SERAC1: variants seen among roughly 807,000 people sequenced by gnomAD.
SERAC1 encodes the protein serine active site containing 1.
SERAC1 carries 36 observed loss-of-function variants against 85.7 expected under a neutral mutation model. The ratio of observed to expected loss-of-function variants is 0.42; its 90% CI spans 0.32 to 0.55. The LOEUF (loss-of-function observed/expected upper bound fraction) is 0.55, where lower values mean the gene tolerates loss of function less well. Ranked by LOEUF, SERAC1 falls within the 20% of genes least tolerant of loss-of-function variation. The pLI is 0.11. For synonymous variants in SERAC1, 242 were observed against 265.3 expected (o/e 0.91, Z 0.85); for missense variants, 629 against 796.2 (o/e 0.79, Z 2.53).
intron 10 of SERAC1, among the ~76,000 whole-genome samples, chr6:158,125,709 A>G (rs1784523660): frequency 1.3e-5 from 2 of 152,186 alleles, no homozygotes; most frequent in Admixed American, 6.5e-5. Context: ...AAAAATAATA[A>G]TAACAATGAT....
chr6:158,167,049 G>GA (rs143013988), intron 1 of SERAC1, among the ~76,000 whole-genome samples: 5,333 of 151,740 alleles, frequency 0.035, 303 homozygotes, highest in African/African-American at 0.12. Flanking sequence ...TATGCAAGAT[G>GA]AAAAAAAGCA....
chr6:158,143,143 G>A lies in SERAC1; in HGVS notation c.651C>T (p.Ser217=). ...TEEELRQLLA[S]LPQTELDECI... ...ACTCATCTAGCTCTGTTTGAGGTAA[G>A]GAAGCCAGCAACTGTCTGAGCTCTT... The change falls in exon 8 of 17, where the codon TCC becomes TCT. Residue 217 remains serine, a synonymous_variant. Coordinates refer to ENST00000647468, the MANE Select transcript of SERAC1 (RefSeq NM_032861.4). The A allele has an allele frequency of 1.2e-6, 2 of 1,613,662 alleles. No individual in the cohort carries two copies. The highest frequency in any genetic ancestry group is 1.7e-6 in the Non-Finnish European group (2 of 1,179,744).
intron 8 of SERAC1, among the ~76,000 whole-genome samples, chr6:158,139,520 G>A (rs955046840): frequency 1.3e-5 from 2 of 152,110 alleles, no homozygotes; most frequent in African/African-American, 4.8e-5. Context: ...TAAATTGGGT[G>A]CTGCAACATG....
At position 158,114,950 on chromosome 6, in the gene SERAC1, A is replaced by G; in HGVS notation, c.1523T>C (p.Leu508Pro). ...TTCTGGCTTCGTAGAGGCTTCCAAC[A>G]GCATCTTTTTGACAAGAAGACCTAG... ...SMGGLLVKKM[L>P]LEASTKPEMS... Residue 508 changes from leucine (L) to proline (P), a missense_variant, in exon 15 of 17, where the codon CTG (leucine) becomes CCG (proline). Physicochemically the swap from Leu to Pro is moderately conservative, Grantham distance 98 (BLOSUM62 -3). Coordinates refer to ENST00000647468, the MANE Select transcript of SERAC1 (RefSeq NM_032861.4). 2 of 1,611,286 alleles carry G rather than the reference A, an allele frequency of 1.2e-6. No individual in the cohort carries two copies. Among genetic ancestry groups the G allele is most frequent in the Non-Finnish European group, 1.7e-6 (2 of 1,178,938 alleles).
chr6:158,156,410 A>C (rs1785333995), intron 2 of SERAC1, among the ~76,000 whole-genome samples: 1 of 152,110 alleles, frequency 6.6e-6, no homozygotes, highest in Admixed American at 6.6e-5. Flanking sequence ...ATGGAAGTCT[A>C]TAGAGATGGA....
rs112677357 is a variant in SERAC1, at chr6:158,128,885, T to C, written c.853-615A>G. Among the ~76,000 whole-genome samples the C allele has an allele frequency of 2.4e-3, 361 of 152,264 alleles. 1 individual carries two copies. The highest frequency in any genetic ancestry group is 8.4e-3 in the African/African-American group (348 of 41,550). On this transcript the variant is annotated intron_variant, in intron 9 of 16. Transcript: ENST00000647468. ...AGATAAAAGAAAAAGAAAACATGCA[T>C]ATTGAGTTAAGGGAAGAGAACTGAC...
At chr6:158,134,968 C>T (rs1784758083) in intron 8 of SERAC1, among the ~76,000 whole-genome samples, 1 of 152,120 alleles carries the variant, frequency 6.6e-6, no homozygotes, top group African/African-American at 2.4e-5. Context: ...TCACGTGCTT[C>T]TGGGCATGAC....
At chr6:158,145,743 G>C (rs761725698) in intron 6 of SERAC1, among the ~76,000 whole-genome samples, 1 of 151,848 alleles carries the variant, frequency 6.6e-6, no homozygotes, top group African/African-American at 2.4e-5. Flanking sequence ...GGCTGGTCTT[G>C]AACTCCTGGC....
rs1242966978 is a variant in SERAC1, at chr6:158,143,327, CTCTCTCTCTCTCTCTCTCTCTATA to C, written c.610-167_610-144del. 3,034 of 205,930 alleles carry C rather than the reference CTCTCTCTCTCTCTCTCTCTCTATA, an allele frequency of 0.015. 34 individuals are homozygous for C. Among genetic ancestry groups the C allele is most frequent in the African/African-American group, 0.12 (1,285 of 10,524 alleles). 12.8% of individuals were successfully genotyped at this position (205,930 alleles called of 1,614,324 possible). ...CATGTCTCTCTCTCTCTCTCTCTCT[CTCTCTCTCTCTCTCTCTCTCTATA>C]TATATATATATATATATATATATAC... On this transcript the variant is annotated intron_variant, in intron 7 of 16. Coordinates refer to ENST00000647468, the MANE Select transcript of SERAC1 (RefSeq NM_032861.4).
intron 1 of SERAC1, among the ~76,000 whole-genome samples, chr6:158,162,391 G>A (rs550853776): frequency 2.6e-5 from 4 of 152,068 alleles, no homozygotes; most frequent in Admixed American, 2.0e-4. Flanking sequence ...ATTCCATCTG[G>A]CAGTTTTAAG....
chr6:158,160,253 T>C (rs570179575), intron 1 of SERAC1, among the ~76,000 whole-genome samples: 1 of 151,920 alleles, frequency 6.6e-6, no homozygotes, highest in Admixed American at 6.6e-5. Flanking sequence ...CTTATCTGAG[T>C]CCCTAGGAAC....
intron 3 of SERAC1, among the ~76,000 whole-genome samples, chr6:158,152,282 G>A (rs555794086): frequency 2.6e-5 from 4 of 152,238 alleles, no homozygotes; most frequent in Non-Finnish European, 5.9e-5. Flanking sequence ...CTGGGAGGCC[G>A]AGGCGGGCGG....
At chr6:158,139,569 A>G (rs948428865) in intron 8 of SERAC1, among the ~76,000 whole-genome samples, 1 of 152,202 alleles carries the variant, frequency 6.6e-6, no homozygotes, top group Non-Finnish European at 1.5e-5. Flanking sequence ...CCAATTTTAA[A>G]ATGAGCAAAG....
At chr6:158,155,912 A>T (rs1160245610) in intron 2 of SERAC1, among the ~76,000 whole-genome samples, 1 of 152,242 alleles carries the variant, frequency 6.6e-6, no homozygotes, top group East Asian at 1.9e-4. Context: ...TGGGAGGCCA[A>T]GGCGAGTGGA....
rs554666482 is a variant in SERAC1, at chr6:158,132,463, A to G, written c.739-1977T>C. 2.0e-5 allele frequency among the ~76,000 whole-genome samples: 3 copies of G among 152,300 alleles called. No individual in the cohort carries two copies. In the South Asian group the frequency reaches 6.2e-4, roughly 32 times the overall value. The stretch of plus-strand genomic sequence containing the variant: ...TGGCAGAGACAATGGTAAATAGTGG[A>G]TTGGTAAGCTTTGTCGGGGGGTAGG... On this transcript the variant is annotated intron_variant, in intron 8 of 16. Transcript: ENST00000647468.
rs57559133 is a variant in SERAC1 at position 158,119,650 on chromosome 6, C to T, written c.1167-480G>A. On this transcript the variant is annotated intron_variant, in intron 11 of 16. Transcript: ENST00000647468. This position sits in a 1 kb window ranked among gnomAD's most constrained non-coding sequence, Gnocchi z 4.5. ...AGTAACATTCACTCATTGCATATGA[C>T]GCATTAAAAACTGTAGATAGTATGT... Among the ~76,000 whole-genome samples the T allele has an allele frequency of 0.041, 6,274 of 151,944 alleles. 196 individuals are homozygous for T. Among genetic ancestry groups the T allele is most frequent in the African/African-American group, 0.09 (3,744 of 41,474 alleles).
chr6:158,138,392 A>G (rs1039884074), intron 8 of SERAC1, among the ~76,000 whole-genome samples: 4 of 142,988 alleles, frequency 2.8e-5, no homozygotes, highest in South Asian at 2.2e-4. Flanking sequence ...TCGAGATCAC[A>G]CCACTGAACT....
At chr6:158,154,583 T>TA (rs972444026) in intron 3 of SERAC1, among the ~76,000 whole-genome samples, 2 of 151,654 alleles carry the variant, frequency 1.3e-5, no homozygotes, top group Admixed American at 6.6e-5. Context: ...TTCCTCCCCC[T>TA]AAAAAAAAGT....
chr6:158,147,604 C>CAA lies in SERAC1; in HGVS notation c.356-693_356-692dup, dbSNP rs11287217. Among the ~76,000 whole-genome samples, 102 of 124,156 alleles carry CAA rather than the reference C, an allele frequency of 8.2e-4. 1 individual carries two copies. The highest frequency in any genetic ancestry group is 1.6e-3 in the Non-Finnish European group (96 of 58,994). 81.5% of individuals were successfully genotyped at this position (124,156 alleles called of 152,430 possible). On this transcript the variant is annotated intron_variant, in intron 5 of 16. Transcript: ENST00000647468. Reference sequence around the variant, plus strand: ...TGAAACCCTGTCTCTACTAAAAATACAAAAAAAAAAAAAAAATTAGCTGGG... The same window carrying CAA: ...TGAAACCCTGTCTCTACTAAAAATACAAAAAAAAAAAAAAAAAATTAGCTGGG...
Sources: allele counts gnomAD v4.1 joint callset (sites outside exome capture counted in the v4.1 genomes callset), GRCh38; gene constraint gnomAD v4.1.1; non-coding constraint Gnocchi (gnomAD v3.1); transcripts MANE v1.5; gene names NCBI Gene and HGNC (gene_info 2026-07-23, HGNC 2026-07-21).